SULF2: variants seen among roughly 807,000 people sequenced by gnomAD.
SULF2 encodes sulfatase 2.
In SULF2, 52 loss-of-function variants were observed where a neutral mutation model predicts 107.7. That is an observed-to-expected ratio of 0.48 (90% CI 0.39 to 0.61). SULF2 has a LOEUF of 0.61. Among genes scored for constraint, SULF2 ranks in the 20% least tolerant of loss-of-function variants. The pLI, the probability that SULF2 is intolerant of heterozygous loss-of-function variation, is 0.00. For synonymous variants in SULF2, 460 were observed against 464.3 expected (o/e 0.99, Z 0.12); for missense variants, 993 against 1,177.3 (o/e 0.84, Z 2.29).
chr20:47,676,760 C>A (rs1274324199), intron 9 of SULF2, 137 bp from the exon 10 acceptor site: 2 of 1,038,784 alleles, frequency 1.9e-6, no homozygotes, highest in Admixed American at 2.9e-5. Flanking sequence ...GCCACCTGCC[C>A]GGGTCTTCTG....
At chr20:47,662,889 C>CA (rs1262580387) in intron 17 of SULF2, among the ~76,000 whole-genome samples, 181 bp downstream of exon 17, 1 of 151,924 alleles carries the variant, frequency 6.6e-6, no homozygotes, top group Non-Finnish European at 1.5e-5. Flanking sequence ...GTGATGGAGG[C>CA]AAAAAAGGCT....
intron 1 of SULF2, among the ~76,000 whole-genome samples, chr20:47,768,627 G>A (rs76858664): frequency 0.05 from 7,659 of 152,304 alleles, 243 homozygotes; most frequent in Admixed American, 0.085. Context: ...GGGCCAACTC[G>A]CCCATCCTTC....
At chr20:47,659,363 C>T in intron 20 of SULF2, 36 bp downstream of exon 20, 1 of 1,602,170 alleles carries the variant, frequency 6.2e-7, no homozygotes, top group South Asian at 1.1e-5. Flanking sequence ...GCGGTCAGAA[C>T]CAGATTTCTA....
intron 13 of SULF2, 105 bp from the exon 14 acceptor site, chr20:47,665,398 C>G: frequency 2.5e-6 from 2 of 807,370 alleles, no homozygotes; most frequent in Non-Finnish European, 4.3e-6. Flanking sequence ...TCAGCAGCGG[C>G]AGCCTGCACT....
At chr20:47,738,317 A>C (rs2089795483) in intron 2 of SULF2, among the ~76,000 whole-genome samples, 1 of 152,154 alleles carries the variant, frequency 6.6e-6, no homozygotes, top group South Asian at 2.1e-4. Flanking sequence ...GATTTGATGG[A>C]AATATTCCAT....
intron 20 of SULF2, among the ~76,000 whole-genome samples, chr20:47,658,751 G>T (rs1383890075): frequency 2.0e-5 from 3 of 152,208 alleles, no homozygotes; most frequent in African/African-American, 7.2e-5. Flanking sequence ...GAAATGAGTA[G>T]ACCAGAGGTT....
Position 47,702,674 on chromosome 20 carries a change from C to A in SULF2, c.416-4G>T, listed in dbSNP as rs372743026. ...TTAAGATACTTCCCGAAGAAAGCTG[C>A]GGAGGGAGATGGATCAGGAGGCCAC... On this transcript the variant is annotated splice_polypyrimidine_tract_variant and splice_region_variant and intron_variant, in intron 3 of 20. Transcript: ENST00000688720. The A allele has an allele frequency of 1.2e-6, 2 of 1,613,252 alleles. No individual in the cohort carries two copies. The highest frequency in any genetic ancestry group is 1.3e-5 in the African/African-American group (1 of 74,892).
chr20:47,741,190 C>A (rs900655095), intron 2 of SULF2, among the ~76,000 whole-genome samples: 2 of 152,116 alleles, frequency 1.3e-5, no homozygotes, highest in African/African-American at 4.8e-5. Flanking sequence ...TCAGAGGAGC[C>A]CAAATCTTTC....
upstream of SULF2, chr20:47,785,716 G>A (rs2090920523): frequency 6.8e-6 from 1 of 147,530 alleles, no homozygotes; most frequent in Non-Finnish European, 1.5e-5. Context: ...ACGCAGGGGA[G>A]GCGGGCGCGC....
At chr20:47,713,164 C>G (rs892647990) in intron 3 of SULF2, among the ~76,000 whole-genome samples, 3 of 152,208 alleles carry the variant, frequency 2.0e-5, no homozygotes, top group Non-Finnish European at 4.4e-5. Context: ...TGAAGCACAT[C>G]TGTGTGCAGA....
intron 2 of SULF2, among the ~76,000 whole-genome samples, chr20:47,743,653 G>A (rs186109042): frequency 3.3e-5 from 5 of 152,192 alleles, no homozygotes; most frequent in Admixed American, 1.3e-4. Flanking sequence ...CATCATATTC[G>A]TTGCTCTTTG....
At chr20:47,665,358 G>C in intron 13 of SULF2, 65 bp from the exon 14 acceptor site, 7 of 1,079,318 alleles carry the variant, frequency 6.5e-6, no homozygotes, top group Non-Finnish European at 1.0e-5. Context: ...ACTTGGCCTG[G>C]TGACTGCCCC....
intron 1 of SULF2, among the ~76,000 whole-genome samples, chr20:47,778,605 C>T (rs75912722): frequency 0.019 from 2,927 of 151,790 alleles, 105 homozygotes; most frequent in African/African-American, 0.068. Flanking sequence ...CAGAAGGCAT[C>T]GTGCTGCCTA....
intron 2 of SULF2, among the ~76,000 whole-genome samples, chr20:47,742,628 T>C (rs541496758): frequency 1.3e-5 from 2 of 152,344 alleles, no homozygotes; most frequent in South Asian, 2.1e-4. Context: ...CACTGTGCTA[T>C]GATTTGTTTG....
In SULF2 at chr20:47,678,614, G is replaced by A. The variant is rs2087725185; in HGVS notation, c.1193+62C>T. 2.5e-6 allele frequency: 4 copies of A among 1,599,418 alleles called. No individual in the cohort carries two copies. The highest frequency in any genetic ancestry group is 3.4e-6 in the Non-Finnish European group (4 of 1,171,636). ...CCACGTTCTAGACCCACAGGGTTTT[G>A]CTCTGAGTTCCCGCAGGTCAATGTC... On this transcript the variant is annotated intron_variant, in intron 8 of 20. Coordinates refer to ENST00000688720, the MANE Select transcript of SULF2 (RefSeq NM_001387048.1). This position sits in a 1 kb window ranked among gnomAD's most constrained non-coding sequence, Gnocchi z 4.5.
intron 2 of SULF2, among the ~76,000 whole-genome samples, chr20:47,750,244 C>T (rs1251227281): frequency 3.3e-5 from 5 of 152,276 alleles, no homozygotes; most frequent in South Asian, 2.1e-4. Flanking sequence ...CCTCCCAAAG[C>T]GCTGGGATCA....
At chr20:47,723,827 T>C (rs554231332) in intron 3 of SULF2, among the ~76,000 whole-genome samples, 1 of 152,336 alleles carries the variant, frequency 6.6e-6, no homozygotes, top group East Asian at 1.9e-4. Context: ...TTACATATTA[T>C]AATGTGATAA....
intron 1 of SULF2, among the ~76,000 whole-genome samples, chr20:47,775,508 C>T (rs1283726179): frequency 6.6e-6 from 1 of 152,188 alleles, no homozygotes; most frequent in Non-Finnish European, 1.5e-5. Flanking sequence ...GTTTGTTATA[C>T]AGCAGAAACA....
At chr20:47,747,009 A>C (rs1332883407) in intron 2 of SULF2, among the ~76,000 whole-genome samples, 1 of 133,166 alleles carries the variant, frequency 7.5e-6, no homozygotes, top group African/African-American at 3.0e-5. Flanking sequence ...ATATATATAT[A>C]TATATATATA....
Sources: allele counts gnomAD v4.1 joint callset (sites outside exome capture counted in the v4.1 genomes callset), GRCh38; gene constraint gnomAD v4.1.1; non-coding constraint Gnocchi (gnomAD v3.1); transcripts MANE v1.5; gene names NCBI Gene and HGNC (gene_info 2026-07-23, HGNC 2026-07-21).